The following GPR176 variants were observed in gnomAD, a reference collection of about 807,000 sequenced individuals.
GPR176 encodes the protein G-protein coupled receptor 176.
GPR176 carries 26 observed loss-of-function variants against 35.4 expected under a neutral mutation model. The observed-to-expected ratio is 0.74, with a 90% CI of 0.54 to 1.02. The LOEUF is 1.02. Ranked by LOEUF, GPR176 falls within the 50% of genes least tolerant of loss-of-function variation. The pLI, the probability that GPR176 is intolerant of heterozygous loss-of-function variation, is 0.00. For missense variants in GPR176, 597 were observed against 665.3 expected, an observed-to-expected ratio of 0.90 and a Z score of 1.13; for synonymous variants, 278 against 271.3, an observed-to-expected ratio of 1.02 and a Z score of -0.24.
Position 39,895,283 on chromosome 15 carries a change from G to A in GPR176, c.172+24572C>T, listed in dbSNP as rs1288274406. Among the ~76,000 whole-genome samples, 3 of 10,224 alleles carry A rather than the reference G, an allele frequency of 2.9e-4. No individual in the cohort carries two copies. The East Asian group carries it at 0.012, about 42-fold the overall frequency. 6.7% of individuals were successfully genotyped at this position (10,224 alleles called of 152,430 possible). A position where few individuals can be genotyped will look rare whatever the true frequency, so the allele number is the denominator to read the frequency against. On this transcript the variant is annotated intron_variant, in intron 1 of 2. Coordinates refer to ENST00000561100, the MANE Select transcript of GPR176 (RefSeq NM_007223.3). Reference sequence around the variant, plus strand: ...GGGAGAGGGAGAGGGAGACCGTGGGGAGAGGAAGAGGGGGAGGGGGAGGGG... The same window carrying A: ...GGGAGAGGGAGAGGGAGACCGTGGGAAGAGGAAGAGGGGGAGGGGGAGGGG...
chr15:39,807,423 G>T (rs1452262506), intron 1 of GPR176, 165 bp from the exon 2 acceptor site: 77 of 728,518 alleles, frequency 1.1e-4, no homozygotes, highest in Non-Finnish European at 8.3e-6. Flanking sequence ...ATACATTACA[G>T]TCAATTTATG....
chr15:39,919,272 G>A (rs2033808931), intron 1 of GPR176, among the ~76,000 whole-genome samples: 1 of 152,132 alleles, frequency 6.6e-6, no homozygotes. Flanking sequence ...GGGAAGTAGA[G>A]TGGGTTTGGT....
intron 1 of GPR176, among the ~76,000 whole-genome samples, chr15:39,814,135 G>A (rs1326917143): frequency 6.6e-6 from 1 of 152,062 alleles, no homozygotes; most frequent in Non-Finnish European, 1.5e-5. Context: ...TCTATCCTAG[G>A]ATTTATGTCT....
chr15:39,889,685 G>A (rs1383442795), intron 1 of GPR176, among the ~76,000 whole-genome samples: 1 of 152,212 alleles, frequency 6.6e-6, no homozygotes, highest in African/African-American at 2.4e-5. Context: ...AGGGTCCCAA[G>A]GAGGTGAAAT....
chr15:39,892,037 T>C (rs1398182555), intron 1 of GPR176, among the ~76,000 whole-genome samples: 1 of 152,206 alleles, frequency 6.6e-6, no homozygotes, highest in African/African-American at 2.4e-5. Flanking sequence ...ATAATCTATA[T>C]CCTTCTACTT....
Position 39,829,264 on chromosome 15 carries a change from G to A in GPR176, c.173-22006C>T, listed in dbSNP as rs549964161. On this transcript the variant is annotated intron_variant, in intron 1 of 2. Transcript: ENST00000561100. ...GTCGCTGGAAAAGCCACTTGGACTC[G>A]GGCATCAGAATGGATCAGGGAAAGA... 2.6e-5 allele frequency: 38 copies of A among 1,450,480 alleles called. No individual in the cohort carries two copies. The African/African-American group carries it at 3.4e-4, about 13-fold the overall frequency. The allele number at this position is 1,450,480 out of a possible 1,614,324, so 89.9% of individuals were successfully genotyped here.
chr15:39,830,286 C>G (rs1452539730), intron 1 of GPR176, among the ~76,000 whole-genome samples: 1 of 152,142 alleles, frequency 6.6e-6, no homozygotes, highest in Non-Finnish European at 1.5e-5. Context: ...AGCTAAGTAC[C>G]AGGTTTACAA....
chr15:39,883,951 C>A (rs192313812), intron 1 of GPR176, among the ~76,000 whole-genome samples: 2 of 152,278 alleles, frequency 1.3e-5, no homozygotes, highest in South Asian at 2.1e-4. Flanking sequence ...TTCAAGAAAG[C>A]CTGCTCAATG....
Position 39,868,718 on chromosome 15 carries a change from C to T in GPR176, c.172+51137G>A, listed in dbSNP as rs928020986. ...TGCTAACATTAGCCCATTAACCCAGCGGTTACAATGAAATGTGGGGGACAG... is the reference window on the plus strand; with the variant it reads ...TGCTAACATTAGCCCATTAACCCAGTGGTTACAATGAAATGTGGGGGACAG... On this transcript the variant is annotated intron_variant, in intron 1 of 2. Coordinates refer to ENST00000561100, the MANE Select transcript of GPR176 (RefSeq NM_007223.3). Among the ~76,000 whole-genome samples the T allele has an allele frequency of 5.3e-5, 8 of 152,110 alleles. No individual in the cohort carries two copies. In the East Asian group the frequency reaches 5.8e-4, roughly 11 times the overall value.
Position 39,878,096 on chromosome 15 carries a change from CTGTGTGTG to C in GPR176, c.172+41751_172+41758del, listed in dbSNP as rs58251937. Among the ~76,000 whole-genome samples, 1,173 of 130,030 alleles carry C rather than the reference CTGTGTGTG, an allele frequency of 9.0e-3. 20 individuals are homozygous for C. Among genetic ancestry groups the C allele is most frequent in the African/African-American group, 0.031 (1,072 of 35,146 alleles). The allele number at this position is 130,030 out of a possible 152,430, so 85.3% of individuals were successfully genotyped here. ...CATATCCATCACCTCCCATAGTTAC[CTGTGTGTG>C]TGTGTGTGTGTGTGTGTGTGTGTGT... On this transcript the variant is annotated intron_variant, in intron 1 of 2. Transcript: ENST00000561100.
chr15:39,848,660 C>T (rs907065025), intron 1 of GPR176, among the ~76,000 whole-genome samples: 1 of 151,912 alleles, frequency 6.6e-6, no homozygotes, highest in Non-Finnish European at 1.5e-5. Flanking sequence ...AAAAGAAAGA[C>T]AACAGAAAAA....
intron 1 of GPR176, among the ~76,000 whole-genome samples, chr15:39,811,774 G>GGCGTAGTA (rs1398308978): frequency 6.6e-6 from 1 of 152,028 alleles, no homozygotes; most frequent in African/African-American, 2.4e-5. Context: ...AAATTAGCCG[G>GGCGTAGTA]GCGTAGTAGT....
intron 1 of GPR176, among the ~76,000 whole-genome samples, chr15:39,875,614 A>G (rs1239130129): frequency 1.3e-5 from 2 of 152,208 alleles, no homozygotes; most frequent in Non-Finnish European, 2.9e-5. Flanking sequence ...TTCTTATCCA[A>G]TCTGCCACTC....
At chr15:39,807,596 G>A (rs1566935384) in intron 1 of GPR176, 1 of 1,377,088 alleles carries the variant, frequency 7.3e-7, no homozygotes, top group Admixed American at 2.0e-5. Flanking sequence ...CTCTTATCAA[G>A]TTTTCTAGTG....
At chr15:39,872,791 T>C (rs2032094192) in intron 1 of GPR176, among the ~76,000 whole-genome samples, 1 of 152,088 alleles carries the variant, frequency 6.6e-6, no homozygotes, top group Admixed American at 6.5e-5. Context: ...TTCGCAAAGA[T>C]AGCACTAACC....
In GPR176 at chr15:39,883,768, C is replaced by T. The variant is rs527776131; in HGVS notation, c.172+36087G>A. ...GGAACGTTCACCATGTAATTATTTT[C>T]CTTTCTTGCCATAAGCAAATGGGAT... On this transcript the variant is annotated intron_variant, in intron 1 of 2. Transcript: ENST00000561100. Among the ~76,000 whole-genome samples the T allele has an allele frequency of 6.6e-5, 10 of 152,120 alleles. No individual in the cohort carries two copies. The South Asian group carries it at 1.9e-3, about 28-fold the overall frequency.
chr15:39,917,985 C>T (rs977286829), intron 1 of GPR176, among the ~76,000 whole-genome samples: 16 of 142,412 alleles, frequency 1.1e-4, no homozygotes, highest in Non-Finnish European at 2.2e-4. Flanking sequence ...GCAGAGGTTG[C>T]AGTGAGCGGA....
chr15:39,895,593 CATTAGGCTAG>C (rs1229619267), intron 1 of GPR176, among the ~76,000 whole-genome samples: 5 of 152,132 alleles, frequency 3.3e-5, no homozygotes, highest in Non-Finnish European at 7.3e-5. Flanking sequence ...AAAAAGAGAA[CATTAGGCTAG>C]ATACTCACAC....
At chr15:39,820,248 C>A (rs1401678146) in intron 1 of GPR176, among the ~76,000 whole-genome samples, 1 of 152,038 alleles carries the variant, frequency 6.6e-6, no homozygotes, top group Non-Finnish European at 1.5e-5. Flanking sequence ...AGATCCAGGA[C>A]GAGGCAGGAG....
Sources: gnomAD v4.1 joint callset for allele counts (sites outside exome capture counted in the v4.1 genomes callset) on GRCh38, gnomAD v4.1.1 for gene constraint, MANE v1.5 for transcripts, NCBI Gene and HGNC (gene_info 2026-07-23, HGNC 2026-07-21) for gene names.